The following KYNU variants were observed in gnomAD, a reference collection of about 807,000 sequenced individuals.
The protein encoded by KYNU is kynureninase, also known as L-kynurenine hydrolase.
KYNU carries 54 observed loss-of-function variants against 59.2 expected under a neutral mutation model. The ratio of observed to expected loss-of-function variants is 0.91; its 90% CI spans 0.73 to 1.14. The LOEUF (loss-of-function observed/expected upper bound fraction) is 1.14. Among genes scored for constraint, KYNU ranks in the 50% most tolerant of loss-of-function variants. The pLI is 0.00. For missense variants in KYNU, 567 were observed against 554.4 expected, an observed-to-expected ratio of 1.02 and a Z score of -0.23; for synonymous variants, 177 against 192.0, an observed-to-expected ratio of 0.92 and a Z score of 0.65.
intron 12 of KYNU, among the ~76,000 whole-genome samples, chr2:143,034,260 T>A (rs1336215995): frequency 2.0e-5 from 3 of 152,026 alleles, no homozygotes; most frequent in African/African-American, 7.2e-5. Flanking sequence ...CTAATAGAAG[T>A]TTTACATAGA....
At chr2:143,036,825 A>G (rs2104922394) in intron 12 of KYNU, among the ~76,000 whole-genome samples, 1 of 152,332 alleles carries the variant, frequency 6.6e-6, no homozygotes, top group Non-Finnish European at 1.5e-5. Context: ...TTTAGGAGAT[A>G]GGTGGTTGAA....
chr2:142,924,947 A>C (rs1451249119), intron 3 of KYNU, among the ~76,000 whole-genome samples: 3 of 152,218 alleles, frequency 2.0e-5, no homozygotes, highest in Non-Finnish European at 2.9e-5. Context: ...CAAAATGAAG[A>C]AGCAGACTCT....
In KYNU at chr2:143,015,591, G is replaced by T. The variant is rs190511646; in HGVS notation, c.903-14036G>T. Among the ~76,000 whole-genome samples, 9 of 152,106 alleles carry T rather than the reference G, an allele frequency of 5.9e-5. No individual in the cohort carries two copies. In the East Asian group the frequency reaches 1.5e-3, roughly 26 times the overall value. ...TCCTTAAATGCTAGATGTAAGCTTGGATATTTGTTTATGTTTATGTGAATG... is the reference window on the plus strand; with the variant it reads ...TCCTTAAATGCTAGATGTAAGCTTGTATATTTGTTTATGTTTATGTGAATG... On this transcript the variant is annotated intron_variant, in intron 10 of 13. Transcript: ENST00000264170.
intron 10 of KYNU, chr2:142,988,950 G>C: frequency 7.0e-7 from 1 of 1,435,662 alleles, no homozygotes; most frequent in Non-Finnish European, 9.8e-7. Flanking sequence ...GAAAAGAAAT[G>C]TTTTGCTGAA....
Position 143,012,155 on chromosome 2 carries a change from G to A in KYNU, c.903-17472G>A, listed in dbSNP as rs753191522. On this transcript the variant is annotated intron_variant, in intron 10 of 13. Transcript: ENST00000264170. ...CTCCAAAATACAAAATGTTTCCTGC[G>A]ACAAAGGAGAACAGAAGAAAGCAGC... 6.6e-5 allele frequency among the ~76,000 whole-genome samples: 10 copies of A among 151,864 alleles called. No individual in the cohort carries two copies. The East Asian group carries it at 9.6e-4, about 15-fold the overall frequency.
chr2:142,978,878 G>A (rs1684970785), intron 8 of KYNU, among the ~76,000 whole-genome samples: 1 of 151,110 alleles, frequency 6.6e-6, no homozygotes, highest in South Asian at 2.1e-4. Flanking sequence ...GGTGAAAAAG[G>A]AATAAACTAA....
At position 143,007,711 on chromosome 2, in the gene KYNU, G is replaced by A. The variant is rs1377224741; in HGVS notation, c.902+21690G>A. Among the ~76,000 whole-genome samples, 272 of 121,442 alleles carry A rather than the reference G, an allele frequency of 2.2e-3. 24 individuals carry two copies. Among genetic ancestry groups the A allele is most frequent in the Middle Eastern group, 7.7e-3 (2 of 260 alleles). 79.7% of individuals were successfully genotyped at this position (121,442 alleles called of 152,430 possible). A position where few individuals can be genotyped will look rare whatever the true frequency, so the allele number is the denominator to read the frequency against. ...CCATCAGACTAACAGCGGATCTCTCGGCAGAAACCCTACAAGCCAGAAGAG... is the reference window on the plus strand; with the variant it reads ...CCATCAGACTAACAGCGGATCTCTCAGCAGAAACCCTACAAGCCAGAAGAG... On this transcript the variant is annotated intron_variant, in intron 10 of 13. Transcript: ENST00000264170.
At chr2:142,880,046 G>T (rs557884665) in intron 1 of KYNU, among the ~76,000 whole-genome samples, 1 of 152,112 alleles carries the variant, frequency 6.6e-6, no homozygotes, top group Non-Finnish European at 1.5e-5. Flanking sequence ...ATGAGAGAGG[G>T]TGCCCTTCTA....
intron 10 of KYNU, among the ~76,000 whole-genome samples, chr2:143,016,320 T>C (rs1250894564): frequency 1.3e-5 from 2 of 152,208 alleles, no homozygotes; most frequent in Non-Finnish European, 2.9e-5. Context: ...TAGATGCACA[T>C]TTCAATATGT....
Position 143,055,302 on chromosome 2 carries a change from TCTTA to T in KYNU, c.*13134_*13137del, listed in dbSNP as rs1687334865. The stretch of plus-strand genomic sequence containing the variant: ...GGAGGTTCCAGGGGGAACTCTGTTT[TCTTA>T]CTTTTTTTAGATTCTAGAGGCTTCC... On this transcript the variant is annotated 3_prime_UTR_variant, in exon 14 of 14. Coordinates refer to ENST00000264170, the MANE Select transcript of KYNU (RefSeq NM_003937.3). The T allele has an allele frequency of 2.0e-5, 3 of 152,258 alleles. No homozygotes were observed. The South Asian group carries it at 6.2e-4, about 32-fold the overall frequency. The allele number at this position is 152,258 out of a possible 1,614,324, so 9.4% of individuals were successfully genotyped here.
At chr2:142,898,967 T>C (rs1163904813) in intron 2 of KYNU, among the ~76,000 whole-genome samples, 1 of 152,136 alleles carries the variant, frequency 6.6e-6, no homozygotes, top group Non-Finnish European at 1.5e-5. Flanking sequence ...AATGGGCACC[T>C]TGCTGGATCA....
intron 11 of KYNU, among the ~76,000 whole-genome samples, chr2:143,032,977 C>G (rs79202002): frequency 0.039 from 5,954 of 152,126 alleles, 141 homozygotes; most frequent in Non-Finnish European, 0.051. Flanking sequence ...AGAAAAACTT[C>G]CAGAAGAGGT....
At chr2:143,017,434 C>CTTT (rs1184177776) in intron 10 of KYNU, among the ~76,000 whole-genome samples, 1,307 of 68,384 alleles carry the variant, frequency 0.019, 14 homozygotes, top group Middle Eastern at 0.038. Context: ...TCTCTTTTTT[C>CTTT]TTTTTTTTTT....
At chr2:142,921,073 A>C (rs1248986012) in intron 3 of KYNU, among the ~76,000 whole-genome samples, 1 of 152,196 alleles carries the variant, frequency 6.6e-6, no homozygotes, top group African/African-American at 2.4e-5. Context: ...GGTTAACAGG[A>C]GAAAAGTTTA....
intron 8 of KYNU, among the ~76,000 whole-genome samples, chr2:142,961,817 A>C (rs1001799081): frequency 6.6e-6 from 1 of 152,226 alleles, no homozygotes; most frequent in Non-Finnish European, 1.5e-5. Context: ...CTTCTATTTC[A>C]TTCAGCAATC....
intron 2 of KYNU, among the ~76,000 whole-genome samples, chr2:142,906,840 G>A (rs955918774): frequency 1.3e-5 from 2 of 152,166 alleles, no homozygotes; most frequent in African/African-American, 4.8e-5. Context: ...GGTTCAGGAC[G>A]ACAGCTTTCT....
chr2:142,977,256 AAT>A (rs1277010132), intron 8 of KYNU, among the ~76,000 whole-genome samples: 1 of 151,642 alleles, frequency 6.6e-6, no homozygotes. Flanking sequence ...TTGAGGCTCA[AAT>A]ATTTTCTACC....
chr2:142,901,289 T>C (rs1376527052), intron 2 of KYNU, among the ~76,000 whole-genome samples: 1 of 152,162 alleles, frequency 6.6e-6, no homozygotes, highest in Non-Finnish European at 1.5e-5. Context: ...TTTTTCCTTT[T>C]TCGGTGGCTA....
At chr2:142,897,414 T>C (rs2104937241) in intron 2 of KYNU, among the ~76,000 whole-genome samples, 1 of 152,326 alleles carries the variant, frequency 6.6e-6, no homozygotes, top group Middle Eastern at 3.4e-3. Context: ...CCAGCAACTG[T>C]AACAACACAA....
Sources: gnomAD v4.1 joint callset for allele counts (sites outside exome capture counted in the v4.1 genomes callset) on GRCh38, gnomAD v4.1.1 for gene constraint, MANE v1.5 for transcripts, NCBI Gene and HGNC (gene_info 2026-07-23, HGNC 2026-07-21) for gene names.